Variants in DENND5B observed in about 807,000 individuals in gnomAD.
DENND5B encodes DENN domain containing 5B.
Under a neutral mutation model 140.6 loss-of-function variants are expected in DENND5B, and 34 were observed. The observed-to-expected ratio is 0.24, with a 90% CI of 0.18 to 0.32. DENND5B has a LOEUF of 0.32. Among genes scored for constraint, DENND5B ranks in the 10% least tolerant of loss-of-function variants. The pLI is 1.00. For synonymous variants in DENND5B, 551 were observed against 562.1 expected (o/e 0.98, Z 0.28); for missense variants, 1,142 against 1,560.2 (o/e 0.73, Z 4.52).
At chr12:31,555,956 A>G (rs1315199475) in intron 1 of DENND5B, among the ~76,000 whole-genome samples, 1 of 152,150 alleles carries the variant, frequency 6.6e-6, no homozygotes, top group Non-Finnish European at 1.5e-5. Flanking sequence ...GCCCTCTGTC[A>G]CTGCTTTCTT....
chr12:31,525,865 T>C (rs572988332), intron 1 of DENND5B, among the ~76,000 whole-genome samples: 1 of 152,222 alleles, frequency 6.6e-6, no homozygotes, highest in African/African-American at 2.4e-5. Flanking sequence ...TGGTAGCAAG[T>C]GCCTGTGGTC....
chr12:31,483,152 A>G (rs1267447149), intron 2 of DENND5B, among the ~76,000 whole-genome samples: 1 of 152,136 alleles, frequency 6.6e-6, no homozygotes, highest in East Asian at 1.9e-4. Context: ...TAATATTTCT[A>G]CTTTCACACA....
chr12:31,439,077 T>A (rs1423280047), intron 7 of DENND5B, among the ~76,000 whole-genome samples: 1 of 152,240 alleles, frequency 6.6e-6, no homozygotes, highest in East Asian at 1.9e-4. Flanking sequence ...CCTGGTCTTG[T>A]TAAGTAATTA....
chr12:31,543,228 T>C (rs910580964), intron 1 of DENND5B, among the ~76,000 whole-genome samples: 8 of 152,220 alleles, frequency 5.3e-5, no homozygotes, highest in Non-Finnish European at 1.2e-4. Flanking sequence ...AGAGATTTCA[T>C]ACCAAATGGT....
At chr12:31,576,703 C>G (rs1272700961) in intron 1 of DENND5B, among the ~76,000 whole-genome samples, 3 of 151,154 alleles carry the variant, frequency 2.0e-5, no homozygotes, top group Admixed American at 1.3e-4. Flanking sequence ...AGCAATAAAG[C>G]AAGAACCCAT....
chr12:31,537,059 G>C (rs138874267), intron 1 of DENND5B, among the ~76,000 whole-genome samples: 2,372 of 151,668 alleles, frequency 0.016, 35 homozygotes, highest in Non-Finnish European at 0.025. Flanking sequence ...ACCAGATCTA[G>C]CCTAGAAGAA....
At chr12:31,574,583 C>G (rs1949947914) in intron 1 of DENND5B, among the ~76,000 whole-genome samples, 2 of 151,898 alleles carry the variant, frequency 1.3e-5, no homozygotes, top group Admixed American at 1.3e-4. Flanking sequence ...GAGCGAGACT[C>G]TGCCTCAAAA....
At chr12:31,487,961 T>C (rs1946373965) in intron 2 of DENND5B, among the ~76,000 whole-genome samples, 1 of 152,070 alleles carries the variant, frequency 6.6e-6, no homozygotes, top group African/African-American at 2.4e-5. Flanking sequence ...GTAATTCTTT[T>C]TTTGTCTTTT....
rs534726502 is a variant in DENND5B, at chr12:31,538,169, T to C, written c.128-42250A>G. Reference sequence around the variant, plus strand: ...ACCTAATCAGACCAAATGGACCTAATAGATACATACATAACATTTCATCCC... The same window carrying C: ...ACCTAATCAGACCAAATGGACCTAACAGATACATACATAACATTTCATCCC... On this transcript the variant is annotated intron_variant, in intron 1 of 20. Transcript: ENST00000389082. Among the ~76,000 whole-genome samples the C allele has an allele frequency of 4.8e-4, 73 of 152,292 alleles. No homozygotes were observed. In the South Asian group the frequency reaches 0.012, roughly 26 times the overall value.
At chr12:31,423,849 G>A (rs1593128005) in intron 10 of DENND5B, among the ~76,000 whole-genome samples, 174 bp from the exon 11 acceptor site, 2 of 152,286 alleles carry the variant, frequency 1.3e-5, no homozygotes, top group East Asian at 3.9e-4. Context: ...AGGTCATCCT[G>A]TACCTCACTG....
intron 1 of DENND5B, among the ~76,000 whole-genome samples, chr12:31,577,275 C>G (rs914019300): frequency 2.0e-5 from 3 of 151,884 alleles, no homozygotes; most frequent in Non-Finnish European, 2.9e-5. Flanking sequence ...AAGGGAGGGG[C>G]AAGAAAATAT....
intron 1 of DENND5B, among the ~76,000 whole-genome samples, chr12:31,553,785 T>C (rs1186160236): frequency 6.6e-6 from 1 of 152,096 alleles, no homozygotes; most frequent in Non-Finnish European, 1.5e-5. Flanking sequence ...AGTTAACTCT[T>C]CTTGTTGAAT....
rs545897522 is a variant in DENND5B at position 31,467,479 on chromosome 12, G to A, written c.905-7098C>T. Among the ~76,000 whole-genome samples the A allele has an allele frequency of 5.3e-5, 8 of 151,386 alleles. No homozygotes were observed. In the South Asian group the frequency reaches 1.0e-3, roughly 20 times the overall value. ...ATCTCTACAAAAAGAAAAAAAAAAA[G>A]TAAGAAAAAAATTAGCCCAGCATGG... is the stretch of plus-strand genomic sequence containing the variant. On this transcript the variant is annotated intron_variant, in intron 3 of 20. Transcript: ENST00000389082.
chr12:31,458,395 G>C (rs1165727348), intron 4 of DENND5B, among the ~76,000 whole-genome samples: 1 of 152,186 alleles, frequency 6.6e-6, no homozygotes, highest in African/African-American at 2.4e-5. Flanking sequence ...AAATGCATTT[G>C]GCTAGTCTAT....
rs1943594279 is a variant in DENND5B, at chr12:31,433,231, C to A, written c.2030G>T (p.Ser677Ile). The change falls in exon 8 of 21, where the codon AGT becomes ATT. Residue 677 changes from serine (S) to isoleucine (I), a missense_variant. Physicochemically the swap from Ser to Ile is moderately radical, Grantham distance 142. Transcript: ENST00000389082. ...PTSNNRWVSR[S>I]ATAQRRKERL... ...TTCTTTCCTGCGCTGTGCAGTGGCACTCCGACTTACCCAGCGACTGAAACA... is the reference window on the plus strand; with the variant it reads ...TTCTTTCCTGCGCTGTGCAGTGGCAATCCGACTTACCCAGCGACTGAAACA... The A allele has an allele frequency of 6.2e-7, 1 of 1,610,014 alleles. No individual in the cohort carries two copies. Among genetic ancestry groups the A allele is most frequent in the Non-Finnish European group, 8.5e-7 (1 of 1,178,830 alleles).
chr12:31,578,777 G>A (rs1950108971), intron 1 of DENND5B, among the ~76,000 whole-genome samples: 1 of 152,234 alleles, frequency 6.6e-6, no homozygotes, highest in Admixed American at 6.5e-5. Context: ...CAGAGGGGCA[G>A]CAGGGCGTAG....
At chr12:31,575,477 G>C (rs927123917) in intron 1 of DENND5B, among the ~76,000 whole-genome samples, 1 of 152,058 alleles carries the variant, frequency 6.6e-6, no homozygotes, top group East Asian at 1.9e-4. Context: ...ATTCCTTTTT[G>C]CTGTTTTAGT....
At chr12:31,556,170 G>C (rs1320584514) in intron 1 of DENND5B, among the ~76,000 whole-genome samples, 1 of 152,120 alleles carries the variant, frequency 6.6e-6, no homozygotes, top group East Asian at 1.9e-4. Flanking sequence ...CTGTAGACTG[G>C]AGCTGTTCCT....
intron 3 of DENND5B, among the ~76,000 whole-genome samples, chr12:31,469,803 A>G (rs1412911849): frequency 6.6e-6 from 1 of 152,048 alleles, no homozygotes; most frequent in African/African-American, 2.4e-5. Flanking sequence ...TATTGAAAAG[A>G]GTCTGGCATC....
Sources: gnomAD v4.1 joint callset for allele counts (sites outside exome capture counted in the v4.1 genomes callset) on GRCh38, gnomAD v4.1.1 for gene constraint, MANE v1.5 for transcripts, NCBI Gene and HGNC (gene_info 2026-07-23, HGNC 2026-07-21) for gene names.